CERT1: variants seen among roughly 807,000 people sequenced by gnomAD.
CERT1 encodes the protein ceramide transporter 1.
In CERT1, 31 loss-of-function variants were observed where a neutral mutation model predicts 87.9. That is an observed-to-expected ratio of 0.35 (90% confidence interval 0.27 to 0.48). CERT1 has a LOEUF of 0.48. Ranked by LOEUF, CERT1 falls within the 20% of genes least tolerant of loss-of-function variation. The pLI, the probability that CERT1 is intolerant of heterozygous loss-of-function variation, is 0.99. For missense variants in CERT1, 487 were observed against 758.0 expected (o/e 0.64, Z 4.20); for synonymous variants, 289 against 250.9 (o/e 1.15, Z -1.44).
At chr5:75,452,416 AAACTT>A (rs1442655383) in intron 3 of CERT1, among the ~76,000 whole-genome samples, 4 of 152,192 alleles carry the variant, frequency 2.6e-5, no homozygotes, top group African/African-American at 9.6e-5. Context: ...GGCTTTCAAG[AAACTT>A]AACTTTTTCA....
downstream of CERT1, chr5:75,376,359 G>C (rs2111968338): frequency 6.6e-6 from 1 of 152,268 alleles, no homozygotes; most frequent in South Asian, 2.1e-4. Flanking sequence ...TCAAGAGGGA[G>C]GCCGTTTCAG....
chr5:75,435,736 G>T (rs1297057054), intron 3 of CERT1, among the ~76,000 whole-genome samples: 3 of 152,170 alleles, frequency 2.0e-5, no homozygotes, highest in African/African-American at 7.2e-5. Context: ...TAATCCTGGG[G>T]GGCTGAGACC....
chr5:75,461,299 C>T (rs1765217963), intron 2 of CERT1, among the ~76,000 whole-genome samples: 1 of 152,168 alleles, frequency 6.6e-6, no homozygotes, highest in Non-Finnish European at 1.5e-5. Flanking sequence ...ACAAACCCTA[C>T]AACGAACTGT....
downstream of CERT1, chr5:75,372,952 G>A (rs1268991172): frequency 2.0e-5 from 3 of 152,184 alleles, no homozygotes; most frequent in African/African-American, 7.2e-5. Context: ...TTTTGAAGTG[G>A]GCAGTCATTT....
At chr5:75,501,247 C>T (rs921734231) in intron 2 of CERT1, among the ~76,000 whole-genome samples, 1 of 152,192 alleles carries the variant, frequency 6.6e-6, no homozygotes, top group Non-Finnish European at 1.5e-5. Flanking sequence ...CCCTACCTCA[C>T]CAACTTGCCT....
At chr5:75,400,157 G>C in intron 10 of CERT1, 48 bp downstream of exon 10, 3 of 1,296,614 alleles carry the variant, frequency 2.3e-6, no homozygotes, top group Non-Finnish European at 3.3e-6. Context: ...CACCAACAAT[G>C]AAGAACAATA....
At chr5:75,398,323 A>T (rs1762337196) in intron 11 of CERT1, among the ~76,000 whole-genome samples, 1 of 152,224 alleles carries the variant, frequency 6.6e-6, no homozygotes, top group Admixed American at 6.5e-5. Flanking sequence ...ATAATGATGT[A>T]GATAACTTTT....
chr5:75,498,290 C>A (rs1767170870), intron 2 of CERT1, among the ~76,000 whole-genome samples: 1 of 152,144 alleles, frequency 6.6e-6, no homozygotes, highest in Admixed American at 6.5e-5. Context: ...AAGCCTACTG[C>A]AAAAATTTGC....
chr5:75,501,094 A>G (rs544260748), intron 2 of CERT1, among the ~76,000 whole-genome samples: 1 of 151,108 alleles, frequency 6.6e-6, no homozygotes, highest in Admixed American at 6.6e-5. Context: ...TGATCCTCCC[A>G]CCTCAGCCTC....
At chr5:75,450,185 C>G (rs1461162161) in intron 3 of CERT1, among the ~76,000 whole-genome samples, 2 of 152,154 alleles carry the variant, frequency 1.3e-5, no homozygotes, top group Non-Finnish European at 2.9e-5. Flanking sequence ...CACCAACTAG[C>G]TGAATGTACC....
At chr5:75,440,558 T>C (rs1764279036) in intron 3 of CERT1, among the ~76,000 whole-genome samples, 2 of 152,096 alleles carry the variant, frequency 1.3e-5, no homozygotes, top group South Asian at 2.1e-4. Context: ...TTTCTTCTAC[T>C]AAACTAGAAC....
At chr5:75,478,946 C>A (rs574178461) in intron 2 of CERT1, among the ~76,000 whole-genome samples, 1 of 125,502 alleles carries the variant, frequency 8.0e-6, no homozygotes, top group East Asian at 2.2e-4. Flanking sequence ...AAAAGCCACA[C>A]GCGTTTGTCA....
intron 11 of CERT1, among the ~76,000 whole-genome samples, chr5:75,396,843 C>T (rs531787979): frequency 4.5e-4 from 68 of 151,932 alleles, no homozygotes; most frequent in African/African-American, 1.5e-3. Context: ...ATACAAAAGT[C>T]TCTATAGGGT....
intron 2 of CERT1, among the ~76,000 whole-genome samples, chr5:75,485,495 A>C (rs1475676889): frequency 6.6e-6 from 1 of 151,886 alleles, no homozygotes. Flanking sequence ...ACCAAACCCC[A>C]AATTAGCAGA....
Position 75,506,059 on chromosome 5 carries a change from G to A in CERT1, c.154C>T (p.Leu52=), listed in dbSNP as rs563573017. ...DRWVVLKNNA[L]SYYKSEDETE... is the part of the protein sequence containing the mutation. ...TCATCTTCAGATTTGTAGTAACTCA[G>A]AGCATTATTTTTCAAAACTACCCAA... Residue 52 remains leucine, a synonymous_variant, in exon 2 of 17, where the codon CTG becomes TTG. Transcript: ENST00000643780. The A allele has an allele frequency of 1.2e-6, 2 of 1,613,204 alleles. No homozygotes were observed. The highest frequency in any genetic ancestry group is 1.3e-5 in the African/African-American group (1 of 75,000).
At chr5:75,511,778 C>T (rs1268269861), upstream of CERT1, 4 of 1,551,444 alleles carry the variant, frequency 2.6e-6, no homozygotes, top group Non-Finnish European at 8.7e-7. Context: ...TCCCGGGTGA[C>T]GACGGGTAGA....
At chr5:75,395,697 A>G (rs990809750) in intron 11 of CERT1, among the ~76,000 whole-genome samples, 4 of 151,954 alleles carry the variant, frequency 2.6e-5, no homozygotes. Flanking sequence ...CCCTGTCTCT[A>G]CTAAAAATAC....
intron 2 of CERT1, among the ~76,000 whole-genome samples, chr5:75,480,540 C>T (rs914783892): frequency 1.8e-4 from 28 of 152,238 alleles, no homozygotes; most frequent in Non-Finnish European, 1.5e-5. Context: ...ACATGCCCTA[C>T]GTAATATACG....
intron 3 of CERT1, among the ~76,000 whole-genome samples, chr5:75,432,775 G>A (rs1232112782): frequency 1.3e-5 from 2 of 152,182 alleles, no homozygotes; most frequent in African/African-American, 2.4e-5. Flanking sequence ...CTTCACCAAG[G>A]CCTATGCCTA....
Sources: allele counts gnomAD v4.1 joint callset (sites outside exome capture counted in the v4.1 genomes callset), GRCh38; gene constraint gnomAD v4.1.1; transcripts MANE v1.5; gene names NCBI Gene and HGNC (gene_info 2026-07-23, HGNC 2026-07-21).